Variants in RIF1 observed in about 807,000 individuals in gnomAD.
RIF1 encodes the protein replication timing regulatory factor 1.
Under a neutral mutation model 247.1 loss-of-function variants are expected in RIF1, and 45 were observed. The ratio of observed to expected loss-of-function variants is 0.18; its 90% CI spans 0.14 to 0.23. The LOEUF is 0.23. RIF1 is among the 10% of genes least tolerant of loss of function. RIF1 has a pLI of 1.00. For missense variants in RIF1, 2,967 were observed against 2,862.5 expected (o/e 1.04, Z -0.83); for synonymous variants, 1,087 against 978.8 (o/e 1.11, Z -2.06).
downstream of RIF1, chr2:151,485,817 A>C: frequency 6.2e-7 from 1 of 1,614,118 alleles, no homozygotes; most frequent in Non-Finnish European, 8.5e-7. Flanking sequence ...TCCTCTGCAC[A>C]GTGCCATACA....
At chr2:151,516,492 G>C in the RIF1 span, 1 of 1,613,250 alleles carries the variant, frequency 6.2e-7, no homozygotes, top group East Asian at 2.2e-5. Context: ...CTTTGGCAGT[G>C]ATGTACGTTG....
chr2:151,527,424 A>G, the RIF1 span: 1 of 1,216,808 alleles, frequency 8.2e-7, no homozygotes. Context: ...ATAATTATTC[A>G]TTGTATTTCT....
At position 151,477,428 on chromosome 2, in the gene RIF1, T is replaced by G. The variant is rs1290046664; in HGVS notation, c.*2357T>G. ...GATTGTCATGTAGTATCTTTTTTTT[T>G]TTTTGAGACACAGTCTTGCTCTGTT... On this transcript the variant is annotated 3_prime_UTR_variant, in exon 36 of 36. Coordinates refer to ENST00000444746, the MANE Select transcript of RIF1 (RefSeq NM_018151.5). The G allele has an allele frequency of 1.3e-5, 2 of 152,168 alleles. No homozygotes were observed. Among genetic ancestry groups the G allele is most frequent in the African/African-American group, 4.8e-5 (2 of 41,440 alleles). The allele number at this position is 152,168 out of a possible 1,614,324, so 9.4% of individuals were successfully genotyped here.
intron 6 of RIF1, among the ~76,000 whole-genome samples, chr2:151,418,318 C>A (rs1323808804): frequency 6.6e-6 from 1 of 152,160 alleles, no homozygotes; most frequent in Non-Finnish European, 1.5e-5. Flanking sequence ...AATTCTTGTG[C>A]CTCAGCTTCC....
chr2:151,524,742 CT>C, the RIF1 span: 10 of 723,176 alleles, frequency 1.4e-5, no homozygotes, highest in Non-Finnish European at 1.7e-5. Context: ...TCTCAGCTCA[CT>C]GCAACTTCTG....
Position 151,437,270 on chromosome 2 carries a change from C to T in RIF1, c.1402C>T (p.Pro468Ser). ...ATTGGAACATCCGTTAATCAGCAGCCCTTCCTTTTTTTCCAAACATGCAAA... is the reference window on the plus strand; with the variant it reads ...ATTGGAACATCCGTTAATCAGCAGCTCTTCCTTTTTTTCCAAACATGCAAA... ...EPLEHPLISS[P>S]SFFSKHANTL... The change falls in exon 13 of 36, where the codon CCT becomes TCT. Residue 468 changes from proline (P) to serine (S), a missense_variant. Physicochemically the swap from Pro to Ser is moderately conservative, Grantham distance 74. Transcript: ENST00000444746. 1.9e-6 allele frequency: 3 copies of T among 1,613,570 alleles called. No homozygotes were observed. Among genetic ancestry groups the T allele is most frequent in the Non-Finnish European group, 2.5e-6 (3 of 1,179,602 alleles).
intron 10 of RIF1, chr2:151,497,869 T>C (rs1230887955): frequency 5.3e-6 from 8 of 1,507,314 alleles, no homozygotes; most frequent in East Asian, 2.5e-5. Flanking sequence ...GAAGCTGTTG[T>C]TGGGATAGGG....
At chr2:151,496,042 G>A (rs540875810) in intron 10 of RIF1, among the ~76,000 whole-genome samples, 2 of 152,226 alleles carry the variant, frequency 1.3e-5, no homozygotes, top group African/African-American at 4.8e-5. Context: ...GAAGCAAAAG[G>A]ATGTTTTATA....
Position 151,469,855 on chromosome 2 carries a change from T to C in RIF1, c.7086T>C (p.His2362=). 1 of 1,599,824 alleles carries C rather than the reference T, an allele frequency of 6.3e-7. No homozygotes were observed. Among genetic ancestry groups the C allele is most frequent in the Non-Finnish European group, 8.5e-7 (1 of 1,175,218 alleles). The part of the protein sequence containing the change: ...SNVKKALRIY[H]EQQVKTRGLE... ...TAAAAAAGGCTCTCAGAATATATCA[T>C]GAGCAGCAGGTAAAAACTTAGATAT... The change falls in exon 34 of 36, where the codon CAT becomes CAC. Residue 2362 remains histidine, a synonymous_variant. Coordinates refer to ENST00000444746, the MANE Select transcript of RIF1 (RefSeq NM_018151.5).
downstream of RIF1, among the ~76,000 whole-genome samples, chr2:151,512,019 C>CTTTT (rs71403173): frequency 1.6e-4 from 15 of 93,582 alleles, no homozygotes; most frequent in African/African-American, 3.4e-4. Context: ...CCCTCTCACT[C>CTTTT]TTTTTTTTTT....
chr2:151,491,459 A>C (rs1574610115), intron 9 of RIF1: 1 of 398,296 alleles, frequency 2.5e-6, no homozygotes, highest in African/African-American at 2.0e-5. Flanking sequence ...AATGATAATA[A>C]TGGGAGACAT....
At chr2:151,421,427 T>A (rs1404916938) in intron 7 of RIF1, among the ~76,000 whole-genome samples, 1 of 152,208 alleles carries the variant, frequency 6.6e-6, no homozygotes, top group Non-Finnish European at 1.5e-5. Flanking sequence ...TGTACCTGGT[T>A]GGTGTTCTGG....
Position 151,437,143 on chromosome 2 carries a change from AAC to A in RIF1, c.1373-93_1373-92del. 4.9e-6 allele frequency: 6 copies of A among 1,229,848 alleles called. No individual in the cohort carries two copies. The Admixed American group carries it at 6.8e-5, about 14-fold the overall frequency. The allele number at this position is 1,229,848 out of a possible 1,614,324, so 76.2% of individuals were successfully genotyped here. On this transcript the variant is annotated intron_variant, in intron 12 of 35. Coordinates refer to ENST00000444746, the MANE Select transcript of RIF1 (RefSeq NM_018151.5). ...AAATATGAATCTTTTTTTTATAGAA[AAC>A]ACACCTACTTAATAGACATTTTAAA...
At chr2:151,444,485 T>G (rs184795533) in intron 18 of RIF1, among the ~76,000 whole-genome samples, 1 of 152,316 alleles carries the variant, frequency 6.6e-6, no homozygotes, top group Admixed American at 6.5e-5. Flanking sequence ...AATTTTTGTA[T>G]TTTTAGTCAA....
downstream of RIF1, among the ~76,000 whole-genome samples, chr2:151,509,726 C>A (rs1372567693): frequency 1.3e-5 from 2 of 152,148 alleles, no homozygotes; most frequent in East Asian, 3.9e-4. Flanking sequence ...CTCCCTGGTT[C>A]AAGCAATTCT....
At position 151,436,806 on chromosome 2, in the gene RIF1, CTTT is replaced by C. The variant is rs747564662; in HGVS notation, c.1196-10_1196-8del. ...TAAAATGAGCTTGTATGACTTAACT[CTTT>C]TTTTTTTTTTCTTAAAGGTGCTTCC... On this transcript the variant is annotated intron_variant, in intron 11 of 35. Transcript: ENST00000444746. The C allele has an allele frequency of 4.0e-4, 484 of 1,221,532 alleles. 3 individuals carry two copies. In the African/African-American group the frequency reaches 5.8e-3, roughly 15 times the overall value. The allele number at this position is 1,221,532 out of a possible 1,614,324, so 75.7% of individuals were successfully genotyped here. A position where few individuals can be genotyped will look rare whatever the true frequency, so the allele number is the denominator to read the frequency against.
At chr2:151,500,593 C>CT (rs11428843) in intron 11 of RIF1, among the ~76,000 whole-genome samples, 60,164 of 118,418 alleles carry the variant, frequency 0.51, 17,575 homozygotes, top group East Asian at 0.74. Flanking sequence ...TTCTTTCTTC[C>CT]TTTTTTTTTT....
At chr2:151,487,176 C>G (rs1357385798) in intron 9 of RIF1, among the ~76,000 whole-genome samples, 1 of 152,072 alleles carries the variant, frequency 6.6e-6, no homozygotes, top group East Asian at 1.9e-4. Context: ...TTTGAAAACC[C>G]GTAGCACTAT....
At chr2:151,428,585 T>C (rs554964903) in intron 8 of RIF1, among the ~76,000 whole-genome samples, 199 bp from the exon 9 acceptor site, 1 of 152,354 alleles carries the variant, frequency 6.6e-6, no homozygotes, top group African/African-American at 2.4e-5. Flanking sequence ...TTAAAGTTTA[T>C]TTTCTTATAT....
Sources: allele counts gnomAD v4.1 joint callset (sites outside exome capture counted in the v4.1 genomes callset), GRCh38; gene constraint gnomAD v4.1.1; transcripts MANE v1.5; gene names NCBI Gene and HGNC (gene_info 2026-07-23, HGNC 2026-07-21).